Variants in PAG1 observed in about 807,000 individuals in gnomAD.
The protein encoded by PAG1 is phosphoprotein associated with glycosphingolipid-enriched microdomains 1.
PAG1 carries 23 observed loss-of-function variants against 31.7 expected under a neutral mutation model. That is an observed-to-expected ratio of 0.73 (90% CI 0.52 to 1.03). PAG1 has a LOEUF of 1.03. PAG1 is among the 50% of genes least tolerant of loss of function. The probability of loss-of-function intolerance (pLI) is 0.00; values close to 1 mark genes in which losing one functional copy is unlikely to be tolerated. For missense variants in PAG1, 473 were observed against 540.7 expected (o/e 0.87, Z 1.24); for synonymous variants, 214 against 210.3 (o/e 1.02, Z -0.15).
chr8:81,091,462 T>C (rs1401672223), intron 1 of PAG1, among the ~76,000 whole-genome samples: 1 of 152,148 alleles, frequency 6.6e-6, no homozygotes, highest in African/African-American at 2.4e-5. Flanking sequence ...TACAATGTAC[T>C]TACACAAACC....
At chr8:81,096,520 T>C (rs6993382) in intron 1 of PAG1, among the ~76,000 whole-genome samples, 60 of 152,292 alleles carry the variant, frequency 3.9e-4, no homozygotes, top group African/African-American at 1.4e-3. Flanking sequence ...AGCAAAATTA[T>C]GTTCTACACA....
chr8:80,976,868 C>T lies in PAG1; in HGVS notation c.975G>A (p.Gln325=). The T allele has an allele frequency of 6.2e-7, 1 of 1,613,412 alleles. No homozygotes were observed. The highest frequency in any genetic ancestry group is 8.5e-7 in the Non-Finnish European group (1 of 1,179,428). The change falls in exon 9 of 9, where the codon CAG becomes CAA. Residue 325 remains glutamine (Q), a synonymous_variant. Transcript: ENST00000220597. Reference sequence around the variant, plus strand: ...GCGACTGCCCCGATTTATTCACTAACTGTCCAGGTTTATTTACTGATGAGT... The same window carrying T: ...GCGACTGCCCCGATTTATTCACTAATTGTCCAGGTTTATTTACTGATGAGT... ...AMYSSVNKPG[Q]LVNKSGQSLT...
intron 3 of PAG1, among the ~76,000 whole-genome samples, chr8:81,025,677 G>A (rs34622409): frequency 0.5 from 75,480 of 152,052 alleles, 21,411 homozygotes; most frequent in Non-Finnish European, 0.63. Context: ...CATGCTGCTC[G>A]GGCGTTCCTC....
intron 3 of PAG1, among the ~76,000 whole-genome samples, chr8:81,009,304 G>T (rs948244000): frequency 1.3e-5 from 2 of 152,222 alleles, no homozygotes; most frequent in African/African-American, 4.8e-5. Context: ...CATGAAACTT[G>T]AAGTTTAATT....
At chr8:81,107,213 CTCT>C (rs1256061990) in intron 1 of PAG1, among the ~76,000 whole-genome samples, 1 of 152,162 alleles carries the variant, frequency 6.6e-6, no homozygotes, top group Non-Finnish European at 1.5e-5. Context: ...TAAGCTTAAG[CTCT>C]TCTTCTACAA....
chr8:81,098,136 G>A (rs1456464922), intron 1 of PAG1, among the ~76,000 whole-genome samples: 1 of 152,128 alleles, frequency 6.6e-6, no homozygotes, highest in Non-Finnish European at 1.5e-5. Context: ...AGTGCCACAG[G>A]AAACCAGTTA....
intron 3 of PAG1, among the ~76,000 whole-genome samples, chr8:81,013,541 C>A (rs1195971452): frequency 7.2e-5 from 11 of 152,324 alleles, no homozygotes; most frequent in Non-Finnish European, 1.5e-5. Flanking sequence ...GTTTACCACC[C>A]TCTCTGTTTC....
intron 2 of PAG1, among the ~76,000 whole-genome samples, chr8:81,043,588 T>C (rs1171179118): frequency 6.6e-6 from 1 of 152,188 alleles, no homozygotes; most frequent in Non-Finnish European, 1.5e-5. Flanking sequence ...TATACTATAA[T>C]TGGGCATTCT....
At chr8:81,106,128 C>A (rs1461287564) in intron 1 of PAG1, among the ~76,000 whole-genome samples, 1 of 152,164 alleles carries the variant, frequency 6.6e-6, no homozygotes, top group Non-Finnish European at 1.5e-5. Context: ...TCACTTCAAC[C>A]TTTGCCTCCC....
At chr8:81,084,002 T>G (rs995112950) in intron 1 of PAG1, among the ~76,000 whole-genome samples, 45 of 150,942 alleles carry the variant, frequency 3.0e-4, no homozygotes, top group Non-Finnish European at 6.2e-4. Flanking sequence ...ACCACTGCAC[T>G]CCAGCATGGG....
chr8:81,100,280 A>G (rs956424819), intron 1 of PAG1, among the ~76,000 whole-genome samples: 2 of 152,242 alleles, frequency 1.3e-5, no homozygotes, highest in Non-Finnish European at 2.9e-5. Context: ...AGAGCCTAGT[A>G]GGTGTTCAAT....
intron 1 of PAG1, among the ~76,000 whole-genome samples, chr8:81,084,268 T>A (rs564765918): frequency 6.6e-6 from 1 of 152,246 alleles, no homozygotes; most frequent in East Asian, 1.9e-4. Flanking sequence ...TTCCTGGAAA[T>A]AGAACAAATT....
At chr8:81,110,339 C>T (rs948941715) in intron 1 of PAG1, among the ~76,000 whole-genome samples, 14 of 152,152 alleles carry the variant, frequency 9.2e-5, no homozygotes, top group African/African-American at 2.7e-4. Context: ...TTATAATATT[C>T]GCTGTGTAAC....
chr8:80,998,797 T>C (rs1046803019), intron 3 of PAG1, among the ~76,000 whole-genome samples: 14 of 152,182 alleles, frequency 9.2e-5, no homozygotes, highest in African/African-American at 2.7e-4. Context: ...AGGTCAGTAA[T>C]GATAGTCATT....
intron 2 of PAG1, among the ~76,000 whole-genome samples, chr8:81,045,115 T>C (rs1484472912): frequency 6.6e-6 from 1 of 152,194 alleles, no homozygotes; most frequent in Non-Finnish European, 1.5e-5. Flanking sequence ...TTTCGCTGGG[T>C]GAACCATACA....
At chr8:81,082,085 T>A (rs1403967960) in intron 1 of PAG1, among the ~76,000 whole-genome samples, 1 of 151,416 alleles carries the variant, frequency 6.6e-6, no homozygotes, top group Non-Finnish European at 1.5e-5. Context: ...AAACCCCATC[T>A]CTACTAAAAA....
chr8:81,047,079 G>A (rs1586186593), intron 2 of PAG1, among the ~76,000 whole-genome samples: 2 of 152,046 alleles, frequency 1.3e-5, no homozygotes, highest in Admixed American at 1.3e-4. Flanking sequence ...CATATTTTCT[G>A]TACCCAGTCT....
In PAG1 at chr8:81,032,638, C is replaced by T. The variant is rs75680355; in HGVS notation, c.-174-2549G>A. 2.4e-3 allele frequency among the ~76,000 whole-genome samples: 362 copies of T among 152,262 alleles called. 1 individual carries two copies. The highest frequency in any genetic ancestry group is 8.1e-3 in the African/African-American group (337 of 41,530). On this transcript the variant is annotated intron_variant, in intron 2 of 8. Coordinates refer to ENST00000220597, the MANE Select transcript of PAG1 (RefSeq NM_018440.4). The stretch of plus-strand genomic sequence containing the variant: ...CCCTGCTGATGGGAATGTAAAATAA[C>T]GCAGCTGCTTTGAAACAGTCTGTTA...
At chr8:81,050,932 G>A (rs1808718004) in intron 2 of PAG1, among the ~76,000 whole-genome samples, 1 of 152,206 alleles carries the variant, frequency 6.6e-6, no homozygotes, top group Admixed American at 6.5e-5. Flanking sequence ...AGTAGAGAAG[G>A]TGGCCAAAGT....
Sources: allele counts gnomAD v4.1 joint callset (sites outside exome capture counted in the v4.1 genomes callset), GRCh38; gene constraint gnomAD v4.1.1; transcripts MANE v1.5; gene names NCBI Gene and HGNC (gene_info 2026-07-23, HGNC 2026-07-21).